GTF2F2: variants seen among roughly 807,000 people sequenced by gnomAD.
The protein encoded by GTF2F2 is general transcription factor IIF subunit 2.
In GTF2F2, 23 loss-of-function variants were observed where a neutral mutation model predicts 42.2. The ratio of observed to expected loss-of-function variants is 0.55; its 90% CI spans 0.39 to 0.77. The LOEUF is 0.77. GTF2F2 is among the 30% of genes least tolerant of loss of function. GTF2F2 has a pLI of 0.00. For synonymous variants in GTF2F2, 105 were observed against 100.8 expected, an observed-to-expected ratio of 1.04 and a Z score of -0.25; for missense variants, 261 against 287.2, an observed-to-expected ratio of 0.91 and a Z score of 0.66.
At chr13:45,156,757 T>C (rs1428445042) in intron 4 of GTF2F2, among the ~76,000 whole-genome samples, 1 of 152,218 alleles carries the variant, frequency 6.6e-6, no homozygotes, top group Non-Finnish European at 1.5e-5. Context: ...AAACCATTAC[T>C]GAATTAGAAA....
intron 5 of GTF2F2, among the ~76,000 whole-genome samples, chr13:45,238,556 C>G (rs73475310): frequency 6.3e-4 from 96 of 152,166 alleles, no homozygotes; most frequent in African/African-American, 2.3e-3. Flanking sequence ...TTCCCTGTCA[C>G]ACACACATTT....
At chr13:45,125,349 G>T (rs777041533) in intron 1 of GTF2F2, among the ~76,000 whole-genome samples, 1 of 151,602 alleles carries the variant, frequency 6.6e-6, no homozygotes, top group South Asian at 2.1e-4. Flanking sequence ...GAGACGGAGT[G>T]TCGCTCTTTT....
At chr13:45,226,677 A>C (rs1874372955) in intron 5 of GTF2F2, among the ~76,000 whole-genome samples, 1 of 152,174 alleles carries the variant, frequency 6.6e-6, no homozygotes, top group African/African-American at 2.4e-5. Flanking sequence ...TCTCCAGTAA[A>C]ATTTTTTTGC....
chr13:45,183,936 A>G (rs577602137), intron 4 of GTF2F2, among the ~76,000 whole-genome samples: 11 of 151,660 alleles, frequency 7.3e-5, no homozygotes, highest in Admixed American at 5.9e-4. Context: ...GCTCACAGCA[A>G]CCTCTTCCTC....
At position 45,129,366 on chromosome 13, in the gene GTF2F2, T is replaced by C. The variant is rs149802453; in HGVS notation, c.67-7367T>C. On this transcript the variant is annotated intron_variant, in intron 1 of 7. Coordinates refer to ENST00000340473, the MANE Select transcript of GTF2F2 (RefSeq NM_004128.3). ...CTGGGACTACAGGCACACACCACCATGCCTGGCTAATTTTTGTATTTTTTG... is the reference window on the plus strand; with the variant it reads ...CTGGGACTACAGGCACACACCACCACGCCTGGCTAATTTTTGTATTTTTTG... Among the ~76,000 whole-genome samples the C allele has an allele frequency of 5.3e-5, 8 of 152,244 alleles. No homozygotes were observed. In the East Asian group the frequency reaches 1.5e-3, roughly 29 times the overall value.
intron 5 of GTF2F2, among the ~76,000 whole-genome samples, chr13:45,233,963 A>G (rs1323166718): frequency 2.6e-5 from 4 of 152,210 alleles, no homozygotes; most frequent in Non-Finnish European, 5.9e-5. Context: ...AAAAAATAAT[A>G]TAGGAGTTTA....
chr13:45,251,268 T>G (rs1392148670), intron 5 of GTF2F2, among the ~76,000 whole-genome samples: 3 of 152,182 alleles, frequency 2.0e-5, no homozygotes, highest in Non-Finnish European at 4.4e-5. Context: ...TACAGACACC[T>G]TTTATACTTA....
chr13:45,203,240 C>CA (rs1873281266), intron 4 of GTF2F2, among the ~76,000 whole-genome samples: 1 of 140,572 alleles, frequency 7.1e-6, no homozygotes, highest in East Asian at 2.1e-4. Context: ...CCACGCCCAC[C>CA]TTTTTTTTTT....
intron 5 of GTF2F2, among the ~76,000 whole-genome samples, chr13:45,214,275 A>G (rs1410431509): frequency 6.6e-6 from 1 of 152,200 alleles, no homozygotes; most frequent in Non-Finnish European, 1.5e-5. Context: ...CATCAAATGT[A>G]AGTTAGTAAG....
chr13:45,141,004 A>T (rs1869903383), intron 2 of GTF2F2, among the ~76,000 whole-genome samples: 1 of 152,208 alleles, frequency 6.6e-6, no homozygotes. Flanking sequence ...AACCCATAGG[A>T]TGTTTATAAA....
At chr13:45,216,099 C>G (rs1873877400) in intron 5 of GTF2F2, among the ~76,000 whole-genome samples, 1 of 151,926 alleles carries the variant, frequency 6.6e-6, no homozygotes. Context: ...CAAAAATTAG[C>G]CAAGCATGGT....
At chr13:45,186,778 C>G (rs1004242879) in intron 4 of GTF2F2, among the ~76,000 whole-genome samples, 1 of 151,992 alleles carries the variant, frequency 6.6e-6, no homozygotes, top group Non-Finnish European at 1.5e-5. Context: ...TTAATAAATA[C>G]CTGTTTTAAC....
chr13:45,242,220 T>A (rs1329764728), intron 5 of GTF2F2, among the ~76,000 whole-genome samples: 1 of 151,582 alleles, frequency 6.6e-6, no homozygotes, highest in East Asian at 1.9e-4. Flanking sequence ...CCTGGCCTTC[T>A]GTCTGCCTTC....
At chr13:45,249,524 T>C (rs1245140068) in intron 5 of GTF2F2, among the ~76,000 whole-genome samples, 1 of 152,214 alleles carries the variant, frequency 6.6e-6, no homozygotes, top group Non-Finnish European at 1.5e-5. Context: ...AACCTGAGTC[T>C]GGATGCAGTG....
intron 1 of GTF2F2, among the ~76,000 whole-genome samples, chr13:45,122,542 A>G (rs186054221): frequency 1.9e-4 from 29 of 152,256 alleles, no homozygotes; most frequent in African/African-American, 5.8e-4. Context: ...GCTGAGGCAG[A>G]AGAATCACTT....
chr13:45,136,994 C>T (rs936630794), intron 2 of GTF2F2, among the ~76,000 whole-genome samples, 188 bp downstream of exon 2: 1 of 152,120 alleles, frequency 6.6e-6, no homozygotes, highest in Non-Finnish European at 1.5e-5. Context: ...CACACATATC[C>T]CCACACCCAC....
At chr13:45,134,681 C>T (rs1417709817) in intron 1 of GTF2F2, among the ~76,000 whole-genome samples, 1 of 152,110 alleles carries the variant, frequency 6.6e-6, no homozygotes, top group African/African-American at 2.4e-5. Flanking sequence ...ATGGAATCTT[C>T]AAAATCCTCC....
intron 4 of GTF2F2, chr13:45,194,406 G>A (rs772880987): frequency 1.2e-6 from 2 of 1,614,148 alleles, no homozygotes; most frequent in Admixed American, 3.3e-5. Context: ...AAGTGTCTGG[G>A]TACTTGGTCA....
chr13:45,196,558 T>C (rs543836823), intron 4 of GTF2F2, among the ~76,000 whole-genome samples: 3 of 152,342 alleles, frequency 2.0e-5, no homozygotes, highest in South Asian at 2.1e-4. Context: ...AGTAGCATCA[T>C]ATAATAGCAA....
Sources: allele counts gnomAD v4.1 joint callset (sites outside exome capture counted in the v4.1 genomes callset), GRCh38; gene constraint gnomAD v4.1.1; transcripts MANE v1.5; gene names NCBI Gene and HGNC (gene_info 2026-07-23, HGNC 2026-07-21).